Variants in SLC2A13 observed in about 807,000 individuals in gnomAD.
SLC2A13 encodes the protein proton myo-inositol cotransporter.
In SLC2A13, 32 loss-of-function variants were observed where a neutral mutation model predicts 64.4. The ratio of observed to expected loss-of-function variants is 0.50; its 90% CI spans 0.37 to 0.67. SLC2A13 has a LOEUF of 0.67. SLC2A13 is among the 30% of genes least tolerant of loss of function. The pLI, the probability that SLC2A13 is intolerant of heterozygous loss-of-function variation, is 0.00. For synonymous variants in SLC2A13, 338 were observed against 327.1 expected, an observed-to-expected ratio of 1.03 and a Z score of -0.36; for missense variants, 743 against 829.2, an observed-to-expected ratio of 0.90 and a Z score of 1.28.
At chr12:39,916,830 G>A (rs1453679386) in intron 4 of SLC2A13, among the ~76,000 whole-genome samples, 2 of 95,832 alleles carry the variant, frequency 2.1e-5, no homozygotes, top group African/African-American at 7.6e-5. Context: ...TTTAAATAAA[G>A]TATAAACATA....
chr12:40,103,112 C>A (rs956427598), intron 1 of SLC2A13, among the ~76,000 whole-genome samples: 2 of 152,110 alleles, frequency 1.3e-5, no homozygotes, highest in African/African-American at 4.8e-5. Flanking sequence ...ACCAACCAGC[C>A]CAGAGACCAC....
chr12:39,857,147 G>A, intron 6 of SLC2A13, among the ~76,000 whole-genome samples: 1 of 152,068 alleles, frequency 6.6e-6, no homozygotes, highest in East Asian at 1.9e-4. Context: ...CCTTTATCTT[G>A]TTCTGTTATT....
intron 9 of SLC2A13, among the ~76,000 whole-genome samples, chr12:39,762,340 A>G (rs531843413): frequency 2.0e-4 from 30 of 151,310 alleles, no homozygotes; most frequent in Non-Finnish European, 2.5e-4. Flanking sequence ...TTATTCTTCT[A>G]AGGATTTAAA....
chr12:40,073,808 AG>A (rs1938057784), intron 1 of SLC2A13, among the ~76,000 whole-genome samples: 1 of 151,910 alleles, frequency 6.6e-6, no homozygotes, highest in African/African-American at 2.4e-5. Flanking sequence ...GGCTTATTTC[AG>A]GATTTTTACC....
intron 7 of SLC2A13, among the ~76,000 whole-genome samples, chr12:39,801,410 G>A (rs927581108): frequency 4.0e-5 from 6 of 148,856 alleles, no homozygotes; most frequent in Non-Finnish European, 7.4e-5. Context: ...AAAACATAAA[G>A]CAAACAGCCA....
At chr12:40,080,545 T>A (rs1390084031) in intron 1 of SLC2A13, among the ~76,000 whole-genome samples, 1 of 152,058 alleles carries the variant, frequency 6.6e-6, no homozygotes, top group East Asian at 1.9e-4. Flanking sequence ...CATGTGCCAC[T>A]ATGCCTGGCT....
chr12:39,798,678 G>C (rs1328114369), intron 7 of SLC2A13, among the ~76,000 whole-genome samples: 1 of 152,196 alleles, frequency 6.6e-6, no homozygotes, highest in Non-Finnish European at 1.5e-5. Flanking sequence ...AGTGCTGAAA[G>C]ACTCGTGAGA....
At chr12:40,036,502 G>A (rs1342415803) in intron 2 of SLC2A13, among the ~76,000 whole-genome samples, 1 of 152,128 alleles carries the variant, frequency 6.6e-6, no homozygotes, top group African/African-American at 2.4e-5. Flanking sequence ...GACAACCACT[G>A]ATCAAATTTC....
At chr12:40,059,942 C>G (rs1195657217) in intron 1 of SLC2A13, among the ~76,000 whole-genome samples, 1 of 152,040 alleles carries the variant, frequency 6.6e-6, no homozygotes, top group Non-Finnish European at 1.5e-5. Flanking sequence ...CAAGAGAAGG[C>G]CAGGGAGAGA....
At chr12:40,050,500 A>G (rs1213207894) in intron 1 of SLC2A13, among the ~76,000 whole-genome samples, 2 of 152,208 alleles carry the variant, frequency 1.3e-5, no homozygotes, top group African/African-American at 4.8e-5. Context: ...TTGGAGTTGG[A>G]AAGAACCATG....
At chr12:39,958,571 G>GCACCCCA (rs1196121997) in intron 3 of SLC2A13, among the ~76,000 whole-genome samples, 2 of 152,062 alleles carry the variant, frequency 1.3e-5, no homozygotes, top group Non-Finnish European at 2.9e-5. Flanking sequence ...CCACCTGTTG[G>GCACCCCA]CTAAAGCACC....
intron 4 of SLC2A13, among the ~76,000 whole-genome samples, chr12:39,894,206 T>C (rs926874650): frequency 1.3e-5 from 2 of 152,146 alleles, no homozygotes; most frequent in Admixed American, 1.3e-4. Context: ...AACTTTCAAG[T>C]GTCTTCAAGT....
intron 6 of SLC2A13, among the ~76,000 whole-genome samples, chr12:39,830,756 A>G (rs1942829763): frequency 6.6e-6 from 1 of 152,218 alleles, no homozygotes; most frequent in Non-Finnish European, 1.5e-5. Flanking sequence ...TAAAAATACT[A>G]CTACTCAAAT....
chr12:39,943,521 A>G (rs903645541), intron 4 of SLC2A13, among the ~76,000 whole-genome samples: 1 of 152,192 alleles, frequency 6.6e-6, no homozygotes, highest in Non-Finnish European at 1.5e-5. Flanking sequence ...GGATCTGCCC[A>G]GTTGGAACTT....
chr12:39,903,382 G>A (rs1475706993), intron 4 of SLC2A13, among the ~76,000 whole-genome samples: 2 of 152,058 alleles, frequency 1.3e-5, no homozygotes, highest in Admixed American at 1.3e-4. Flanking sequence ...AAATTTATCA[G>A]GTAAACTAGT....
chr12:39,930,431 T>A (rs1273310511), intron 4 of SLC2A13, among the ~76,000 whole-genome samples: 2 of 152,142 alleles, frequency 1.3e-5, no homozygotes, highest in Non-Finnish European at 2.9e-5. Flanking sequence ...TATAATTATA[T>A]CAGGGGCAGG....
At chr12:40,057,609 T>G (rs1177023280) in intron 1 of SLC2A13, among the ~76,000 whole-genome samples, 1 of 152,168 alleles carries the variant, frequency 6.6e-6, no homozygotes, top group African/African-American at 2.4e-5. Context: ...AGTGGTTCTA[T>G]TTTCTTAGTT....
chr12:40,103,265 C>T (rs1342269676), intron 1 of SLC2A13, among the ~76,000 whole-genome samples: 1 of 152,170 alleles, frequency 6.6e-6, no homozygotes, highest in Non-Finnish European at 1.5e-5. Flanking sequence ...CCATTTTGCC[C>T]CTTGCTTAGA....
intron 7 of SLC2A13, among the ~76,000 whole-genome samples, chr12:39,767,110 G>A (rs937047432): frequency 6.6e-6 from 1 of 152,030 alleles, no homozygotes; most frequent in Non-Finnish European, 1.5e-5. Flanking sequence ...CACTATCTAT[G>A]GCAGCTATGG....
Sources: gnomAD v4.1 joint callset for allele counts (sites outside exome capture counted in the v4.1 genomes callset) on GRCh38, gnomAD v4.1.1 for gene constraint, MANE v1.5 for transcripts, NCBI Gene and HGNC (gene_info 2026-07-23, HGNC 2026-07-21) for gene names.